The following TAB2 variants were observed in gnomAD, a reference collection of about 807,000 sequenced individuals.
TAB2 encodes TGF-beta-activated kinase 1 and MAP3K7-binding protein 2.
A neutral mutation model predicts 65.0 loss-of-function variants in TAB2; 3 were observed. The ratio of observed to expected loss-of-function variants is 0.05; its 90% CI spans 0.02 to 0.12. TAB2 has a LOEUF of 0.12. Ranked by LOEUF, TAB2 falls within the 10% of genes least tolerant of loss-of-function variation. TAB2 has a pLI of 1.00. For synonymous variants in TAB2, 298 were observed against 285.1 expected, an observed-to-expected ratio of 1.05 and a Z score of -0.46; for missense variants, 623 against 840.3, an observed-to-expected ratio of 0.74 and a Z score of 3.20.
chr6:149,323,568 C>G (rs75274681), intron 1 of TAB2, among the ~76,000 whole-genome samples: 2,226 of 152,124 alleles, frequency 0.015, 54 homozygotes, highest in African/African-American at 0.051. Flanking sequence ...AAACGTCCCA[C>G]CAGCATCCCA....
chr6:149,231,007 T>C (rs2114632582), intron 1 of TAB2, among the ~76,000 whole-genome samples: 2 of 152,346 alleles, frequency 1.3e-5, no homozygotes, highest in African/African-American at 2.4e-5. Flanking sequence ...GCTCACTTAC[T>C]GAGCTGGTCA....
At chr6:149,289,500 C>T (rs1312494193) in intron 1 of TAB2, among the ~76,000 whole-genome samples, 1 of 152,140 alleles carries the variant, frequency 6.6e-6, no homozygotes, top group Non-Finnish European at 1.5e-5. Flanking sequence ...GGCTAGAGGC[C>T]TCTAAAAGCT....
chr6:149,297,189 A>T (rs1055141141), intron 1 of TAB2, among the ~76,000 whole-genome samples: 1 of 151,996 alleles, frequency 6.6e-6, no homozygotes, highest in Non-Finnish European at 1.5e-5. Context: ...CCAATACTTT[A>T]TCACATATCT....
chr6:149,275,286 A>AAGAAAGAAAGATAGAT (rs1554255841), intron 1 of TAB2, among the ~76,000 whole-genome samples: 12 of 146,738 alleles, frequency 8.2e-5, no homozygotes, highest in African/African-American at 2.7e-4. Flanking sequence ...GAAAGAAAGA[A>AAGAAAGAAAGATAGAT]AGAAAGAAAG....
chr6:149,254,708 A>G (rs1057338769), intron 1 of TAB2, among the ~76,000 whole-genome samples: 4 of 152,244 alleles, frequency 2.6e-5, no homozygotes, highest in African/African-American at 4.8e-5. Flanking sequence ...TGGACGAGAA[A>G]GAGAATAATG....
At chr6:149,334,584 A>G (rs1177948043) in intron 1 of TAB2, among the ~76,000 whole-genome samples, 1 of 152,026 alleles carries the variant, frequency 6.6e-6, no homozygotes, top group Non-Finnish European at 1.5e-5. Context: ...GGCTGAGTTG[A>G]GAGGATCACT....
intron 3 of TAB2, among the ~76,000 whole-genome samples, chr6:149,394,249 T>C (rs1782092771): frequency 6.6e-6 from 1 of 152,214 alleles, no homozygotes; most frequent in African/African-American, 2.4e-5. Context: ...TTTTTATTTC[T>C]AGCCATATTT....
chr6:149,377,362 TCC>T, intron 2 of TAB2, among the ~76,000 whole-genome samples: 1 of 148,178 alleles, frequency 6.7e-6, no homozygotes, highest in East Asian at 2.0e-4. Flanking sequence ...GAGGTTTTTT[TCC>T]CCCCCGCCAC....
At chr6:149,253,692 GA>G (rs1490954509) in intron 1 of TAB2, among the ~76,000 whole-genome samples, 5 of 150,886 alleles carry the variant, frequency 3.3e-5, no homozygotes, top group Admixed American at 6.7e-5. Context: ...GGGAGGCTGA[GA>G]GGGGCGGATC....
chr6:149,382,900 T>G (rs1781664370), intron 3 of TAB2, among the ~76,000 whole-genome samples: 1 of 152,064 alleles, frequency 6.6e-6, no homozygotes, highest in African/African-American at 2.4e-5. Context: ...ATGCCTGAAA[T>G]CCCAGCACTT....
chr6:149,309,899 T>TGG (rs1779139849), intron 1 of TAB2, among the ~76,000 whole-genome samples: 1 of 151,806 alleles, frequency 6.6e-6, no homozygotes, highest in Admixed American at 6.6e-5. Flanking sequence ...TGTGTGTGTG[T>TGG]GTGATTTTTC....
intron 1 of TAB2, among the ~76,000 whole-genome samples, chr6:149,290,758 T>C (rs570090649): frequency 6.6e-6 from 1 of 152,172 alleles, no homozygotes; most frequent in African/African-American, 2.4e-5. Flanking sequence ...GGTGGGAGGA[T>C]GGCTTGAGCC....
chr6:149,289,956 T>C (rs1487218705), intron 1 of TAB2, among the ~76,000 whole-genome samples: 1 of 152,168 alleles, frequency 6.6e-6, no homozygotes, highest in Non-Finnish European at 1.5e-5. Context: ...AGTTGGTTAT[T>C]ATCTAAAGAC....
At chr6:149,380,304 A>G (rs1781566279) in intron 3 of TAB2, among the ~76,000 whole-genome samples, 1 of 152,212 alleles carries the variant, frequency 6.6e-6, no homozygotes, top group Admixed American at 6.5e-5. Context: ...TATTAAGTCT[A>G]TTACTGCGTA....
At position 149,378,673 on chromosome 6, in the gene TAB2, C is replaced by T. The variant is rs1274744827; in HGVS notation, c.758C>T (p.Pro253Leu). The T allele has an allele frequency of 1.2e-6, 2 of 1,613,818 alleles. No individual in the cohort carries two copies. Among genetic ancestry groups the T allele is most frequent in the South Asian group, 1.1e-5 (1 of 91,080 alleles). ...NPQQVYQPSQPGPWTTCPASN... is the reference protein window; with the variant it reads ...NPQQVYQPSQLGPWTTCPASN... Reference sequence around the variant, plus strand: ...CAGCAAGTTTATCAGCCTTCACAGCCTGGTCCCTGGACTACTTGTCCTGCA... The same window carrying T: ...CAGCAAGTTTATCAGCCTTCACAGCTTGGTCCCTGGACTACTTGTCCTGCA... Residue 253 changes from proline (P) to leucine (L), a missense_variant, in exon 3 of 7, where the codon CCT becomes CTT. By Grantham distance (98) the Pro-to-Leu change is moderately conservative. This residue lies in a region of TAB2 where 550 missense variants were observed against 665.7 expected (regional missense o/e 0.83). Coordinates refer to ENST00000637181, the MANE Select transcript of TAB2 (RefSeq NM_001292034.3).
At chr6:149,358,412 G>A (rs1028138479) in intron 1 of TAB2, among the ~76,000 whole-genome samples, 7 of 152,092 alleles carry the variant, frequency 4.6e-5, no homozygotes, top group East Asian at 1.9e-4. Context: ...AAAGTTTCCA[G>A]TTTTCGAGTA....
At chr6:149,234,135 G>A (rs1051981367) in intron 1 of TAB2, among the ~76,000 whole-genome samples, 35 of 152,026 alleles carry the variant, frequency 2.3e-4, no homozygotes, top group African/African-American at 3.1e-4. Context: ...CTCACAAACC[G>A]CTCCTAGTAT....
chr6:149,293,588 C>T, intron 1 of TAB2, among the ~76,000 whole-genome samples: 1 of 152,170 alleles, frequency 6.6e-6, no homozygotes, highest in East Asian at 1.9e-4. Context: ...CCAGGTGTTC[C>T]AGGTACATTC....
At chr6:149,409,275 T>TA (rs1197753490) in intron 6 of TAB2, among the ~76,000 whole-genome samples, 9 of 152,232 alleles carry the variant, frequency 5.9e-5, no homozygotes, top group African/African-American at 1.9e-4. Flanking sequence ...TGAGTGGTAT[T>TA]ATGGGAATCT....
Sources: allele counts gnomAD v4.1 joint callset (sites outside exome capture counted in the v4.1 genomes callset), GRCh38; gene constraint gnomAD v4.1.1; regional missense constraint gnomAD v4.1.1; transcripts MANE v1.5; gene names NCBI Gene and HGNC (gene_info 2026-07-23, HGNC 2026-07-21).